PECAM1: variants seen among roughly 807,000 people sequenced by gnomAD.
The protein encoded by PECAM1 is platelet and endothelial cell adhesion molecule 1, also known as platelet endothelial cell adhesion molecule.
In PECAM1, 8 loss-of-function variants were observed where a neutral mutation model predicts 13.8. That is an observed-to-expected ratio of 0.58 (90% confidence interval 0.34 to 1.05). The LOEUF (loss-of-function observed/expected upper bound fraction) is 1.05, where lower values mean the gene tolerates loss of function less well. PECAM1 is among the 50% of genes least tolerant of loss of function. The probability of loss-of-function intolerance (pLI) is 0.03; values close to 1 mark genes in which losing one functional copy is unlikely to be tolerated. For missense variants in PECAM1, 304 were observed against 141.2 expected (o/e 2.15, Z -5.84); for synonymous variants, 136 against 52.6 (o/e 2.58, Z -6.86).
At chr17:64,350,122 T>A (rs2035681488) in intron 12 of PECAM1, among the ~76,000 whole-genome samples, 1 of 152,150 alleles carries the variant, frequency 6.6e-6, no homozygotes, top group African/African-American at 2.4e-5. Context: ...AGTAGCTCAT[T>A]ATGAGTCAGG....
chr17:64,342,051 A>G (rs1457571698), intron 13 of PECAM1, among the ~76,000 whole-genome samples: 1 of 151,792 alleles, frequency 6.6e-6, no homozygotes, highest in Non-Finnish European at 1.5e-5. Flanking sequence ...CTCGAGAGCT[A>G]AGGGACGAGA....
At chr17:64,374,910 G>A (rs1161373012) in intron 4 of PECAM1, 141 bp downstream of exon 4, 1 of 408,408 alleles carries the variant, frequency 2.4e-6, no homozygotes, top group Non-Finnish European at 4.4e-6. Flanking sequence ...AGTCAAAAAA[G>A]CTTGAAAAAT....
At chr17:64,357,068 T>A (rs1263458764) in intron 7 of PECAM1, among the ~76,000 whole-genome samples, 2 of 152,136 alleles carry the variant, frequency 1.3e-5, no homozygotes, top group African/African-American at 2.4e-5. Flanking sequence ...CTCTCCATAC[T>A]TCACTGTTGC....
At chr17:64,330,560 T>C (rs7225824) in intron 14 of PECAM1, among the ~76,000 whole-genome samples, 82,703 of 150,170 alleles carry the variant, frequency 0.55, 22,795 homozygotes, top group East Asian at 0.69. Context: ...CGCTTGAACC[T>C]AGGAGGCAGA....
At chr17:64,339,573 T>C (rs1251909957) in intron 14 of PECAM1, among the ~76,000 whole-genome samples, 1 of 151,874 alleles carries the variant, frequency 6.6e-6, no homozygotes, top group African/African-American at 2.4e-5. Flanking sequence ...CCTTGAACCC[T>C]ACCTCACTTA....
At chr17:64,354,198 T>C (rs1034935737) in intron 9 of PECAM1, among the ~76,000 whole-genome samples, 22 of 152,114 alleles carry the variant, frequency 1.4e-4, no homozygotes, top group African/African-American at 5.3e-4. Flanking sequence ...TGCCTTGGCC[T>C]CCCAAAGTGC....
At chr17:64,344,418 T>G (rs1355126250) in intron 13 of PECAM1, among the ~76,000 whole-genome samples, 1 of 151,996 alleles carries the variant, frequency 6.6e-6, no homozygotes, top group Non-Finnish European at 1.5e-5. Flanking sequence ...TTCTCTGTGT[T>G]AACAGAGAAG....
intron 10 of PECAM1, among the ~76,000 whole-genome samples, chr17:64,352,724 G>A (rs1316146332): frequency 1.3e-5 from 2 of 151,846 alleles, no homozygotes; most frequent in South Asian, 2.1e-4. Flanking sequence ...GTGCAATCTC[G>A]GATCACTGCA....
chr17:64,331,713 A>G (rs2035126031), intron 14 of PECAM1, among the ~76,000 whole-genome samples: 1 of 152,362 alleles, frequency 6.6e-6, no homozygotes, highest in East Asian at 1.9e-4. Context: ...TCTGGAAAGG[A>G]CCAGGACCCC....
intron 14 of PECAM1, among the ~76,000 whole-genome samples, chr17:64,332,567 C>T (rs544134345): frequency 7.0e-4 from 107 of 152,302 alleles, no homozygotes; most frequent in African/African-American, 2.2e-3. Flanking sequence ...CCATCTTGCA[C>T]GCTGAAGTAG....
At chr17:64,365,177 A>G (rs2036075551) in intron 5 of PECAM1, among the ~76,000 whole-genome samples, 1 of 150,272 alleles carries the variant, frequency 6.7e-6, no homozygotes, top group African/African-American at 2.4e-5. Flanking sequence ...ATACACCAAT[A>G]ACAGACAAAC....
intron 7 of PECAM1, among the ~76,000 whole-genome samples, chr17:64,357,694 C>T (rs932938544): frequency 6.6e-6 from 1 of 152,178 alleles, no homozygotes; most frequent in East Asian, 1.9e-4. Flanking sequence ...GATAAAATAA[C>T]GACAATGCTG....
At chr17:64,341,401 C>T (rs930576339) in intron 14 of PECAM1, among the ~76,000 whole-genome samples, 1 of 152,158 alleles carries the variant, frequency 6.6e-6, no homozygotes, top group South Asian at 2.1e-4. Flanking sequence ...TAAGGGTCAC[C>T]GGCTGGGGTC....
Position 64,323,117 on chromosome 17 carries a change from T to C in PECAM1, c.*699A>G. The C allele has an allele frequency of 1.0e-6, 1 of 985,110 alleles. No homozygotes were observed. 61.0% of individuals were successfully genotyped at this position (985,110 alleles called of 1,614,324 possible). ...TCTTCCTGTCTTTCAGCCTTCAGCA[T>C]GGTAGAGGAAAAGAGAAAGAGTGTA... is the stretch of plus-strand genomic sequence containing the variant. On this transcript the variant is annotated 3_prime_UTR_variant, in exon 16 of 16. Coordinates refer to ENST00000563924, the MANE Select transcript of PECAM1 (RefSeq NM_000442.5).
chr17:64,356,680 C>T (rs1351902642), intron 7 of PECAM1, among the ~76,000 whole-genome samples: 3 of 151,986 alleles, frequency 2.0e-5, no homozygotes, highest in Non-Finnish European at 4.4e-5. Context: ...GTTTTAGAGA[C>T]GGGGTTTTGC....
At chr17:64,361,545 G>A (rs1189510148) in intron 6 of PECAM1, among the ~76,000 whole-genome samples, 1 of 151,912 alleles carries the variant, frequency 6.6e-6, no homozygotes, top group Admixed American at 6.6e-5. Flanking sequence ...CCTGAGGTCA[G>A]GACTTTAAGA....
intron 13 of PECAM1, among the ~76,000 whole-genome samples, chr17:64,343,858 T>C (rs1025912477): frequency 9.9e-5 from 15 of 152,154 alleles, no homozygotes; most frequent in South Asian, 2.1e-4. Flanking sequence ...CCCAACCCTA[T>C]TGGGGGATCC....
chr17:64,369,743 G>GCC lies in PECAM1; in HGVS notation c.967+5_967+6dup, dbSNP rs1488711983. On this transcript the variant is annotated splice_region_variant and intron_variant, in intron 5 of 15. Coordinates refer to ENST00000563924, the MANE Select transcript of PECAM1 (RefSeq NM_000442.5). ...ATGCCAACACCCTCCCGCAGCAGCA[G>GCC]CCCTACCTGTTATGTTGACCACGAT... is the stretch of plus-strand genomic sequence containing the variant. 1 of 398,600 alleles carries GCC rather than the reference G, an allele frequency of 2.5e-6. No individual in the cohort carries two copies. Among genetic ancestry groups the GCC allele is most frequent in the African/African-American group, 2.1e-5 (1 of 48,634 alleles). 24.7% of individuals were successfully genotyped at this position (398,600 alleles called of 1,614,324 possible). A position where few individuals can be genotyped will look rare whatever the true frequency, so the allele number is the denominator to read the frequency against.
chr17:64,334,657 G>A (rs2035221262), intron 14 of PECAM1, among the ~76,000 whole-genome samples: 1 of 151,984 alleles, frequency 6.6e-6, no homozygotes, highest in African/African-American at 2.4e-5. Context: ...ACAGGCGCCC[G>A]CCACCACGTC....
Sources: allele counts gnomAD v4.1 joint callset (sites outside exome capture counted in the v4.1 genomes callset), GRCh38; gene constraint gnomAD v4.1.1; transcripts MANE v1.5; gene names NCBI Gene and HGNC (gene_info 2026-07-23, HGNC 2026-07-21).